PBX3: variants seen among roughly 807,000 people sequenced by gnomAD.
PBX3 encodes pre-B-cell leukemia transcription factor 3.
PBX3 carries 14 observed loss-of-function variants against 48.5 expected under a neutral mutation model. The observed-to-expected ratio is 0.29, with a 90% confidence interval of 0.19 to 0.45. PBX3 has a LOEUF of 0.45. Ranked by LOEUF, PBX3 falls within the 20% of genes least tolerant of loss-of-function variation. The pLI, the probability that PBX3 is intolerant of heterozygous loss-of-function variation, is 1.00. For synonymous variants in PBX3, 210 were observed against 200.3 expected (o/e 1.05, Z -0.41); for missense variants, 386 against 546.7 (o/e 0.71, Z 2.93).
intron 2 of PBX3, among the ~76,000 whole-genome samples, chr9:125,751,592 C>T (rs1037826393): frequency 1.3e-4 from 20 of 152,056 alleles, no homozygotes; most frequent in African/African-American, 4.6e-4. Context: ...ATTGATCATA[C>T]CATTATTTTT....
rs191800382 is a variant in PBX3, at chr9:125,818,944, A to T, written c.274+70321A>T. ...TCCGTCTCCCAGGTTCAAGGAATTC[A>T]CCTGCCTCAACCTCCCGAGTAGCTG... On this transcript the variant is annotated intron_variant, in intron 2 of 8. Transcript: ENST00000373489. Among the ~76,000 whole-genome samples the T allele has an allele frequency of 1.4e-3, 218 of 151,762 alleles. 1 individual carries two copies. Among genetic ancestry groups the T allele is most frequent in the African/African-American group, 5.1e-3 (212 of 41,388 alleles).
At chr9:125,826,510 T>C (rs1838812276) in intron 2 of PBX3, among the ~76,000 whole-genome samples, 1 of 152,192 alleles carries the variant, frequency 6.6e-6, no homozygotes, top group Admixed American at 6.5e-5. Context: ...ACATAAGATA[T>C]ATTTCATAAA....
At chr9:125,938,076 C>A (rs1013797952) in intron 5 of PBX3, among the ~76,000 whole-genome samples, 2 of 151,902 alleles carry the variant, frequency 1.3e-5, no homozygotes, top group African/African-American at 4.8e-5. Context: ...ATATTGAAGC[C>A]CCCTGAAAAC....
chr9:125,875,396 T>A (rs1037836106), intron 2 of PBX3, among the ~76,000 whole-genome samples: 13 of 152,178 alleles, frequency 8.5e-5, no homozygotes, highest in African/African-American at 3.1e-4. Context: ...CTTAATCATT[T>A]CCATCTTCTG....
chr9:125,800,133 T>C (rs946151823), intron 2 of PBX3, among the ~76,000 whole-genome samples: 3 of 152,216 alleles, frequency 2.0e-5, no homozygotes, highest in South Asian at 2.1e-4. Context: ...TGGTTTTTGC[T>C]TCAACTATGG....
At chr9:125,958,412 C>T (rs940984940) in intron 5 of PBX3, among the ~76,000 whole-genome samples, 2 of 152,132 alleles carry the variant, frequency 1.3e-5, no homozygotes. Flanking sequence ...GAAGGGAAGG[C>T]CAAGAAGGCT....
intron 2 of PBX3, among the ~76,000 whole-genome samples, chr9:125,891,382 A>T (rs557468281): frequency 6.6e-6 from 1 of 152,340 alleles, no homozygotes; most frequent in Non-Finnish European, 1.5e-5. Context: ...ATATCTGACC[A>T]TTTGTGACTT....
intron 5 of PBX3, among the ~76,000 whole-genome samples, chr9:125,936,736 G>A (rs1204389033): frequency 6.6e-6 from 1 of 152,092 alleles, no homozygotes; most frequent in African/African-American, 2.4e-5. Context: ...AAGGTTTATT[G>A]TCATTTCTCT....
At chr9:125,940,205 A>G (rs756406637) in intron 5 of PBX3, among the ~76,000 whole-genome samples, 7 of 152,164 alleles carry the variant, frequency 4.6e-5, no homozygotes, top group Non-Finnish European at 1.0e-4. Context: ...AAGAAGAAAA[A>G]GAATCCAATG....
chr9:125,958,590 A>T (rs976272365), intron 5 of PBX3, among the ~76,000 whole-genome samples: 2 of 152,186 alleles, frequency 1.3e-5, no homozygotes, highest in South Asian at 4.1e-4. Flanking sequence ...GGAGGCGGGG[A>T]TATTGTGAGG....
chr9:125,928,128 A>G (rs1841621238), intron 3 of PBX3, among the ~76,000 whole-genome samples: 1 of 151,368 alleles, frequency 6.6e-6, no homozygotes, highest in Non-Finnish European at 1.5e-5. Flanking sequence ...GGCTGCAGTG[A>G]GCCGAGATCA....
chr9:125,892,218 T>G, intron 2 of PBX3, among the ~76,000 whole-genome samples: 1 of 152,112 alleles, frequency 6.6e-6, no homozygotes, highest in Admixed American at 6.5e-5. Flanking sequence ...CCACCACTCC[T>G]GGCCTCAATC....
intron 2 of PBX3, among the ~76,000 whole-genome samples, chr9:125,878,801 GT>G (rs753776500): frequency 6.6e-6 from 1 of 152,222 alleles, no homozygotes; most frequent in Non-Finnish European, 1.5e-5. Context: ...TTACAGGATA[GT>G]TTTGTTTAAA....
At chr9:125,790,742 T>G (rs532919219) in intron 2 of PBX3, among the ~76,000 whole-genome samples, 1 of 152,128 alleles carries the variant, frequency 6.6e-6, no homozygotes, top group East Asian at 1.9e-4. Flanking sequence ...CTAATTTTTA[T>G]TTTTTGTAGA....
At chr9:125,747,755 C>T in intron 1 of PBX3, 102 bp downstream of exon 1, 11 of 847,152 alleles carry the variant, frequency 1.3e-5, no homozygotes, top group South Asian at 2.8e-5. Flanking sequence ...CCGCAGCCCC[C>T]GGCGGGGAAC....
intron 2 of PBX3, among the ~76,000 whole-genome samples, chr9:125,831,633 A>G (rs1050945709): frequency 1.3e-5 from 2 of 152,212 alleles, no homozygotes; most frequent in African/African-American, 4.8e-5. Flanking sequence ...GTAGTGCCTT[A>G]GTATCCTCCA....
intron 2 of PBX3, among the ~76,000 whole-genome samples, chr9:125,755,582 G>T (rs542776190): frequency 6.6e-6 from 1 of 151,612 alleles, no homozygotes; most frequent in African/African-American, 2.4e-5. Flanking sequence ...ATGCTAATTA[G>T]AGGGCATTAT....
At chr9:125,782,200 A>G (rs907866894) in intron 2 of PBX3, among the ~76,000 whole-genome samples, 35 of 152,204 alleles carry the variant, frequency 2.3e-4, no homozygotes, top group African/African-American at 8.4e-4. Flanking sequence ...TGGAAGGTGA[A>G]GGGGACGTCT....
chr9:125,869,025 G>A (rs954807730), intron 2 of PBX3, among the ~76,000 whole-genome samples: 14 of 152,164 alleles, frequency 9.2e-5, no homozygotes, highest in Non-Finnish European at 1.6e-4. Flanking sequence ...TGCAGGATCA[G>A]GCTGAGAAAG....
Sources: gnomAD v4.1 joint callset for allele counts (sites outside exome capture counted in the v4.1 genomes callset) on GRCh38, gnomAD v4.1.1 for gene constraint, MANE v1.5 for transcripts, NCBI Gene and HGNC (gene_info 2026-07-23, HGNC 2026-07-21) for gene names.